The following TMEM132B variants were observed in gnomAD, a reference collection of about 807,000 sequenced individuals.
TMEM132B encodes transmembrane protein 132B.
TMEM132B carries 18 observed loss-of-function variants against 90.8 expected under a neutral mutation model. The observed-to-expected ratio is 0.20, with a 90% CI of 0.14 to 0.29. The LOEUF is 0.29. Ranked by LOEUF, TMEM132B falls within the 10% of genes least tolerant of loss-of-function variation. The pLI is 1.00. For missense variants in TMEM132B, 1,096 were observed against 1,326.8 expected, an observed-to-expected ratio of 0.83 and a Z score of 2.70; for synonymous variants, 504 against 523.3, an observed-to-expected ratio of 0.96 and a Z score of 0.50.
chr12:125,405,538 G>A (rs1042967777), intron 2 of TMEM132B, among the ~76,000 whole-genome samples: 4 of 152,170 alleles, frequency 2.6e-5, no homozygotes, highest in South Asian at 2.1e-4. Context: ...AGTCTGTACT[G>A]CACCAAGAGT....
chr12:125,298,704 C>T (rs1200348382), intron 1 of TMEM132B, among the ~76,000 whole-genome samples: 4 of 149,112 alleles, frequency 2.7e-5, no homozygotes, highest in African/African-American at 9.9e-5. Flanking sequence ...TACATCTACT[C>T]CCTCCCATCA....
intron 3 of TMEM132B, among the ~76,000 whole-genome samples, chr12:125,488,605 C>G (rs962368550): frequency 2.0e-5 from 3 of 152,210 alleles, no homozygotes; most frequent in African/African-American, 7.2e-5. Context: ...TGACTTGCTC[C>G]TCTTTGCCTC....
intron 3 of TMEM132B, among the ~76,000 whole-genome samples, chr12:125,513,253 C>G (rs1467698192): frequency 6.6e-6 from 1 of 152,192 alleles, no homozygotes. Flanking sequence ...TGAGCATCTC[C>G]TATGTCCCAG....
intron 1 of TMEM132B, among the ~76,000 whole-genome samples, chr12:125,238,376 A>AG: frequency 6.9e-6 from 1 of 145,192 alleles, no homozygotes; most frequent in East Asian, 2.0e-4. Context: ...CAAAAAAAAA[A>AG]CAAAAAAAAA....
chr12:125,540,753 C>T (rs575148377), intron 4 of TMEM132B, among the ~76,000 whole-genome samples: 86 of 152,336 alleles, frequency 5.6e-4, no homozygotes, highest in African/African-American at 1.9e-3. Context: ...TTACAGTCTG[C>T]TCTCCACGCA....
chr12:125,495,878 A>G (rs958388109), intron 3 of TMEM132B, among the ~76,000 whole-genome samples: 3 of 152,352 alleles, frequency 2.0e-5, no homozygotes, highest in African/African-American at 7.2e-5. Context: ...GTGGTAGTTC[A>G]TGAATATGTT....
intron 2 of TMEM132B, among the ~76,000 whole-genome samples, chr12:125,367,937 T>A (rs1274171205): frequency 6.6e-6 from 1 of 150,676 alleles, no homozygotes; most frequent in African/African-American, 2.4e-5. Context: ...TCTTGATTAA[T>A]CTATTGTGTT....
chr12:125,512,322 T>TG (rs1044900099), intron 3 of TMEM132B, among the ~76,000 whole-genome samples: 1 of 152,168 alleles, frequency 6.6e-6, no homozygotes, highest in East Asian at 1.9e-4. Flanking sequence ...ATTACTATTT[T>TG]GGGGGGTATA....
At chr12:125,633,054 G>A (rs1378187845) in intron 5 of TMEM132B, among the ~76,000 whole-genome samples, 2 of 151,896 alleles carry the variant, frequency 1.3e-5, no homozygotes, top group Non-Finnish European at 2.9e-5. Context: ...CTATTTTCTT[G>A]TAGGTGTGCT....
At position 125,415,173 on chromosome 12, in the gene TMEM132B, C is replaced by G. The variant is rs1234336750; in HGVS notation, c.960-358C>G. Reference sequence around the variant, plus strand: ...GCATCTTAAAGACTCTTCTCCATCTCCAGGTGAAGAATAGGCCTTGCAGAT... The same window carrying G: ...GCATCTTAAAGACTCTTCTCCATCTGCAGGTGAAGAATAGGCCTTGCAGAT... On this transcript the variant is annotated intron_variant, in intron 2 of 8. Transcript: ENST00000682704. This position sits in a 1 kb window ranked among gnomAD's most constrained non-coding sequence, Gnocchi z 5.3. Among the ~76,000 whole-genome samples the G allele has an allele frequency of 1.3e-5, 2 of 152,164 alleles. No homozygotes were observed. Among genetic ancestry groups the G allele is most frequent in the Non-Finnish European group, 2.9e-5 (2 of 68,034 alleles).
chr12:125,541,716 G>A (rs544427423), intron 4 of TMEM132B, among the ~76,000 whole-genome samples: 3 of 151,554 alleles, frequency 2.0e-5, no homozygotes, highest in Non-Finnish European at 4.4e-5. Context: ...AACCCTGTGA[G>A]TCCACCGAGA....
In TMEM132B at chr12:125,650,934, C is replaced by G; in HGVS notation, c.1895C>G (p.Pro632Arg). Residue 632 changes from proline to arginine, a missense_variant, in exon 7 of 9, where the codon CCG (proline) becomes CGG (arginine). Transcript: ENST00000682704. ...QDGRTLAGRE[P>R]GITTVQVLSP... ...GGCAGGACCCTGGCTGGTCGGGAGC[C>G]GGGAATAACCACGGTGCAGGTACAC... The G allele has an allele frequency of 6.2e-7, 1 of 1,612,522 alleles. No homozygotes were observed.
At chr12:125,477,148 T>C (rs1881904016) in intron 3 of TMEM132B, among the ~76,000 whole-genome samples, 1 of 152,196 alleles carries the variant, frequency 6.6e-6, no homozygotes, top group African/African-American at 2.4e-5. Context: ...AAATGATAAT[T>C]TATGTCTTTA....
intron 4 of TMEM132B, among the ~76,000 whole-genome samples, chr12:125,556,786 G>T (rs910902730): frequency 4.6e-5 from 7 of 151,978 alleles, no homozygotes; most frequent in African/African-American, 1.7e-4. Context: ...ACACAGTCTC[G>T]CTCTGTCACC....
chr12:125,525,342 A>G (rs191695722), intron 4 of TMEM132B, among the ~76,000 whole-genome samples: 1 of 152,352 alleles, frequency 6.6e-6, no homozygotes, highest in East Asian at 1.9e-4. Context: ...TGGTGTTACC[A>G]GGTGAGGCCT....
intron 4 of TMEM132B, among the ~76,000 whole-genome samples, chr12:125,563,190 A>T (rs1274755864): frequency 7.1e-6 from 1 of 141,280 alleles, no homozygotes; most frequent in African/African-American, 2.7e-5. Context: ...ATAATAATAA[A>T]AGTTTGAAAT....
intron 3 of TMEM132B, among the ~76,000 whole-genome samples, chr12:125,491,610 C>G (rs1440810368): frequency 6.6e-6 from 1 of 152,256 alleles, no homozygotes; most frequent in East Asian, 1.9e-4. Context: ...CCTACCTTCA[C>G]TGTCTCAGAT....
intron 1 of TMEM132B, among the ~76,000 whole-genome samples, chr12:125,260,922 T>TTGTGTGTGTGTGTGTGTGTGTG (rs60739492): frequency 2.6e-4 from 39 of 148,248 alleles, no homozygotes; most frequent in African/African-American, 9.2e-4. Context: ...TCTCTACAGA[T>TTGTGTGTGTGTGTGTGTGTGTG]TGTGTGTGTG....
intron 3 of TMEM132B, among the ~76,000 whole-genome samples, chr12:125,418,061 A>G (rs572193362): frequency 2.0e-5 from 3 of 152,242 alleles, no homozygotes; most frequent in South Asian, 4.1e-4. Flanking sequence ...CAGGAGTCCA[A>G]ATGGGATTTT....
Sources: allele counts gnomAD v4.1 joint callset (sites outside exome capture counted in the v4.1 genomes callset), GRCh38; gene constraint gnomAD v4.1.1; non-coding constraint Gnocchi (gnomAD v3.1); transcripts MANE v1.5; gene names NCBI Gene and HGNC (gene_info 2026-07-23, HGNC 2026-07-21).